Variants in FRK observed in about 807,000 individuals in gnomAD.
The protein encoded by FRK is tyrosine-protein kinase FRK.
Under a neutral mutation model 56.4 loss-of-function variants are expected in FRK, and 51 were observed. That is an observed-to-expected ratio of 0.90 (90% CI 0.72 to 1.14). The LOEUF (loss-of-function observed/expected upper bound fraction) is 1.14, where lower values mean the gene tolerates loss of function less well. FRK is among the 50% of genes most tolerant of loss of function. FRK has a pLI of 0.00. For synonymous variants in FRK, 245 were observed against 217.9 expected, an observed-to-expected ratio of 1.12 and a Z score of -1.10; for missense variants, 570 against 601.4, an observed-to-expected ratio of 0.95 and a Z score of 0.55.
upstream of FRK, among the ~76,000 whole-genome samples, chr6:116,065,401 C>T (rs1179363948): frequency 3.9e-5 from 6 of 152,176 alleles, no homozygotes; most frequent in Non-Finnish European, 4.4e-5. Context: ...ACAAAACTCT[C>T]CACCACATAG....
intron 2 of FRK, among the ~76,000 whole-genome samples, chr6:115,973,118 TG>T (rs1039844127): frequency 2.0e-5 from 3 of 152,212 alleles, no homozygotes; most frequent in African/African-American, 7.2e-5. Context: ...TAAACTTTTT[TG>T]TGTATCTGGA....
intron 2 of FRK, among the ~76,000 whole-genome samples, chr6:115,994,092 G>C (rs571573952): frequency 1.3e-5 from 2 of 151,916 alleles, no homozygotes; most frequent in East Asian, 1.9e-4. Flanking sequence ...TGACCAAGTA[G>C]TTTGAGATAT....
At chr6:115,967,750 A>T (rs1773645108) in intron 3 of FRK, 31 bp from the exon 4 acceptor site, 2 of 981,764 alleles carry the variant, frequency 2.0e-6, no homozygotes, top group Non-Finnish European at 2.7e-6. Flanking sequence ...AGCAATTGTT[A>T]AAAAAAAAAA....
the FRK span, among the ~76,000 whole-genome samples, chr6:116,096,889 G>C: frequency 6.6e-6 from 1 of 152,160 alleles, no homozygotes; most frequent in Non-Finnish European, 1.5e-5. Flanking sequence ...CACCACAAAG[G>C]TCCACGGCTT....
chr6:116,064,630 C>T (rs1297261476), upstream of FRK, among the ~76,000 whole-genome samples: 2 of 152,096 alleles, frequency 1.3e-5, no homozygotes, highest in Non-Finnish European at 2.9e-5. Flanking sequence ...TTCCTTTCCT[C>T]TCTTATTGCT....
chr6:115,989,478 T>G (rs1386537328), intron 2 of FRK, among the ~76,000 whole-genome samples: 1 of 151,840 alleles, frequency 6.6e-6, no homozygotes, highest in Admixed American at 6.6e-5. Context: ...CCAGTGTCTA[T>G]TATTTCCATT....
the FRK span, among the ~76,000 whole-genome samples, chr6:116,085,938 T>A: frequency 1.6e-5 from 2 of 124,700 alleles, no homozygotes; most frequent in African/African-American, 7.0e-5. Context: ...ACACATACAT[T>A]GACACTTCCA....
At chr6:115,994,330 C>G (rs992779928) in intron 2 of FRK, among the ~76,000 whole-genome samples, 8 of 105,792 alleles carry the variant, frequency 7.6e-5, no homozygotes, top group East Asian at 4.8e-4. Context: ...AACCTCCCCC[C>G]CCCCCGCCTT....
intron 1 of FRK, among the ~76,000 whole-genome samples, chr6:116,053,476 GT>G (rs1252950656): frequency 6.6e-6 from 1 of 152,150 alleles, no homozygotes; most frequent in Non-Finnish European, 1.5e-5. Flanking sequence ...GACAATCTCA[GT>G]TTGGTGAGAT....
Position 116,019,280 on chromosome 6 carries a change from T to C in FRK, c.345-15282A>G, listed in dbSNP as rs539263100. On this transcript the variant is annotated intron_variant, in intron 1 of 7. Transcript: ENST00000606080. Reference sequence around the variant, plus strand: ...ACACATGGTATTAAATAAACTTGCATTCATACTGTTGAATGAATAAACAGA... The same window carrying C: ...ACACATGGTATTAAATAAACTTGCACTCATACTGTTGAATGAATAAACAGA... 8.9e-4 allele frequency among the ~76,000 whole-genome samples: 136 copies of C among 152,316 alleles called. 1 individual carries two copies. Among genetic ancestry groups the C allele is most frequent in the Middle Eastern group, 6.8e-3 (2 of 294 alleles).
Position 115,968,569 on chromosome 6 carries a change from T to G in FRK, c.630+7A>C. On this transcript the variant is annotated splice_region_variant and intron_variant, in intron 3 of 7. Coordinates refer to ENST00000606080, the MANE Select transcript of FRK (RefSeq NM_002031.3). ...AATAAAAAAACACAGCTTGAAAGCATTTTCACCTTTAAGCATGGTTTCCCC... is the reference window on the plus strand; with the variant it reads ...AATAAAAAAACACAGCTTGAAAGCAGTTTCACCTTTAAGCATGGTTTCCCC... The G allele has an allele frequency of 6.2e-7, 1 of 1,605,896 alleles. No homozygotes were observed. Among genetic ancestry groups the G allele is most frequent in the Non-Finnish European group, 8.5e-7 (1 of 1,177,240 alleles).
intron 1 of FRK, among the ~76,000 whole-genome samples, chr6:116,029,532 T>C (rs1762205163): frequency 6.6e-6 from 1 of 152,160 alleles, no homozygotes; most frequent in African/African-American, 2.4e-5. Context: ...AAATTCACTT[T>C]CATTTTTTTA....
intron 4 of FRK, among the ~76,000 whole-genome samples, chr6:115,967,086 A>C (rs1236939053): frequency 6.6e-6 from 1 of 152,216 alleles, no homozygotes; most frequent in East Asian, 1.9e-4. Context: ...GGAAGATGGA[A>C]GGGAAAAAAA....
chr6:116,090,702 C>T, the FRK span, among the ~76,000 whole-genome samples: 1 of 152,164 alleles, frequency 6.6e-6, no homozygotes, highest in Non-Finnish European at 1.5e-5. Flanking sequence ...CTCCCCAGAC[C>T]TCTCAATAGT....
At chr6:115,970,620 T>A (rs1473974892) in intron 2 of FRK, among the ~76,000 whole-genome samples, 3 of 152,230 alleles carry the variant, frequency 2.0e-5, no homozygotes, top group African/African-American at 7.2e-5. Context: ...AAGGCTAAGC[T>A]GGGCGTGGTG....
the FRK span, among the ~76,000 whole-genome samples, chr6:116,099,676 T>G: frequency 2.1e-4 from 32 of 152,236 alleles, no homozygotes; most frequent in Admixed American, 2.1e-3. Context: ...TAGGTATAAG[T>G]GTCCTCCTAC....
intron 1 of FRK, among the ~76,000 whole-genome samples, chr6:116,046,336 G>A (rs1382203486): frequency 6.6e-6 from 1 of 152,192 alleles, no homozygotes; most frequent in African/African-American, 2.4e-5. Context: ...GCACACATAT[G>A]TTTATTGCAG....
At chr6:116,092,293 C>T in the FRK span, among the ~76,000 whole-genome samples, 655 of 152,274 alleles carry the variant, frequency 4.3e-3, 6 homozygotes, top group African/African-American at 0.015. Flanking sequence ...TGATATCCTT[C>T]CTATCCATAT....
chr6:116,067,111 C>G, the FRK span, among the ~76,000 whole-genome samples: 3 of 152,092 alleles, frequency 2.0e-5, no homozygotes, highest in Non-Finnish European at 4.4e-5. Flanking sequence ...CAGACAGGCA[C>G]AGAAACAACA....
Sources: allele counts gnomAD v4.1 joint callset (sites outside exome capture counted in the v4.1 genomes callset), GRCh38; gene constraint gnomAD v4.1.1; transcripts MANE v1.5; gene names NCBI Gene and HGNC (gene_info 2026-07-23, HGNC 2026-07-21).